The following CDKN2A variants were observed in gnomAD, a reference collection of about 807,000 sequenced individuals.
CDKN2A encodes the protein cyclin-dependent kinase inhibitor 2A.
In CDKN2A, 3 loss-of-function variants were observed where a neutral mutation model predicts 11.1. That is an observed-to-expected ratio of 0.27 (90% confidence interval 0.12 to 0.70). The LOEUF (loss-of-function observed/expected upper bound fraction) is 0.70, where lower values mean the gene tolerates loss of function less well. Ranked by LOEUF, CDKN2A falls within the 30% of genes least tolerant of loss-of-function variation. CDKN2A has a pLI of 0.77. For missense variants in CDKN2A, 265 were observed against 233.6 expected (o/e 1.13, Z -0.88); for synonymous variants, 122 against 108.1 (o/e 1.13, Z -0.80).
chr9:21,991,286 GTA>G lies in CDKN2A; in HGVS notation c.-4+2594_-4+2595del, dbSNP rs1820423101. 6.6e-6 allele frequency among the ~76,000 whole-genome samples: 1 copy of G among 150,776 alleles called. No individual in the cohort carries two copies. The highest frequency in any genetic ancestry group is 1.5e-5 in the Non-Finnish European group (1 of 67,852). ...ACACAAATTCATACACTTTCTTAAA[GTA>G]TCATGAGTTTTTTTTTTTTTTTAAG... is the stretch of plus-strand genomic sequence containing the variant. On this transcript the variant is annotated intron_variant, in intron 2 of 3. Coordinates refer to the CDKN2A transcript ENST00000494262. The surrounding 1 kb of genome is among the most constrained non-coding windows in gnomAD (Gnocchi z 5.2).
rs561052053 is a variant in CDKN2A, at chr9:21,970,707, A to G, written c.457+195T>C. On this transcript the variant is annotated intron_variant, in intron 2 of 2. Transcript: ENST00000304494. ...AATGGGCTTTCACGTGCGCAAGTCCATTTCGGGATTATTTCCCATTTGCCG... is the reference window on the plus strand; with the variant it reads ...AATGGGCTTTCACGTGCGCAAGTCCGTTTCGGGATTATTTCCCATTTGCCG... 66 of 683,376 alleles carry G rather than the reference A, an allele frequency of 9.7e-5. 3 individuals are homozygous for G. The African/African-American group carries it at 1.1e-3, about 11-fold the overall frequency. 42.3% of individuals were successfully genotyped at this position (683,376 alleles called of 1,614,324 possible).
upstream of CDKN2A, among the ~76,000 whole-genome samples, chr9:21,976,892 G>A (rs1587343489): frequency 6.6e-6 from 1 of 152,330 alleles, no homozygotes; most frequent in Admixed American, 6.5e-5. Flanking sequence ...TACTTTTTAA[G>A]CTTATCAAAA....
chr9:21,977,179 G>A (rs180942839), upstream of CDKN2A, among the ~76,000 whole-genome samples: 72 of 152,088 alleles, frequency 4.7e-4, 1 homozygote, highest in African/African-American at 1.6e-3. Flanking sequence ...TTTTCCTCGG[G>A]GTACCTCTCA....
chr9:21,981,022 G>T lies in CDKN2A; in HGVS notation c.-3-9814C>A, dbSNP rs1314968321. Among the ~76,000 whole-genome samples, 7 of 48,814 alleles carry T rather than the reference G, an allele frequency of 1.4e-4. 3 individuals are homozygous for T. The highest frequency in any genetic ancestry group is 7.4e-4 in the Admixed American group (3 of 4,080). The allele number at this position is 48,814 out of a possible 152,430, so 32.0% of individuals were successfully genotyped here. On this transcript the variant is annotated intron_variant, in intron 2 of 3. Coordinates refer to the CDKN2A transcript ENST00000494262. ...TATATACGTGTATATATATATATAC[G>T]TGTATATATATATACGTGTATATAT...
upstream of CDKN2A, among the ~76,000 whole-genome samples, chr9:21,976,626 A>G (rs1820040074): frequency 6.6e-6 from 1 of 151,612 alleles, no homozygotes; most frequent in Non-Finnish European, 1.5e-5. Flanking sequence ...GATGTAGGAG[A>G]ATCGCTTGAA....
chr9:21,974,572 C>A lies in CDKN2A; in HGVS notation c.150+106G>T, dbSNP rs2131110492. On this transcript the variant is annotated intron_variant, in intron 1 of 2. Transcript: ENST00000304494. This position sits in a 1 kb window ranked among gnomAD's most constrained non-coding sequence, Gnocchi z 5.2. Reference sequence around the variant, plus strand: ...TCTGAAAACTCCCCAGGAAGCCTCCCCTTTTTCCGGAGAATCGAAGCGCTA... The same window carrying A: ...TCTGAAAACTCCCCAGGAAGCCTCCACTTTTTCCGGAGAATCGAAGCGCTA... 1.2e-6 allele frequency: 2 copies of A among 1,613,770 alleles called. No individual in the cohort carries two copies. The highest frequency in any genetic ancestry group is 1.1e-5 in the South Asian group (1 of 90,652).
chr9:21,969,013 G>A (rs1454976238), intron 2 of CDKN2A, among the ~76,000 whole-genome samples: 2 of 152,142 alleles, frequency 1.3e-5, no homozygotes, highest in African/African-American at 4.8e-5. Flanking sequence ...TAGATTCTCC[G>A]ACCACTCTTT....
In CDKN2A at chr9:21,968,729, G is replaced by T. The variant is rs1328833978; in HGVS notation, c.458-487C>A. 2 of 1,536,132 alleles carry T rather than the reference G, an allele frequency of 1.3e-6. No individual in the cohort carries two copies. The highest frequency in any genetic ancestry group is 2.0e-5 in the Admixed American group (1 of 51,010). ...CGGCGGAATCCCGTAGCTTCCCTAC[G>T]CATGCCTGCTTCTACAAACCCACAA... On this transcript the variant is annotated intron_variant, in intron 2 of 2. Transcript: ENST00000304494. This position sits in a 1 kb window ranked among gnomAD's most constrained non-coding sequence, Gnocchi z 4.7.
At chr9:21,984,241 C>A (rs1820255079) in intron 2 of CDKN2A, among the ~76,000 whole-genome samples, 1 of 151,930 alleles carries the variant, frequency 6.6e-6, no homozygotes, top group African/African-American at 2.4e-5. Flanking sequence ...TCTGAAAAAA[C>A]AGCTTCTTTG....
In CDKN2A at chr9:21,967,866, T is replaced by C. The variant is rs140204814; in HGVS notation, c.*363A>G. 5.0e-3 allele frequency: 1,706 copies of C among 342,052 alleles called. 31 individuals carry two copies. Among genetic ancestry groups the C allele is most frequent in the African/African-American group, 0.033 (1,614 of 48,582 alleles). The allele number at this position is 342,052 out of a possible 1,614,324, so 21.2% of individuals were successfully genotyped here. A position where few individuals can be genotyped will look rare whatever the true frequency, so the allele number is the denominator to read the frequency against. ...CCCTGAGCTTCCCTAGTTCACAAAA[T>C]GCTTGTCATGAAGTCGACAGCTTCC... On this transcript the variant is annotated 3_prime_UTR_variant, in exon 3 of 3. Coordinates refer to ENST00000304494, the MANE Select transcript of CDKN2A (RefSeq NM_000077.5).
In CDKN2A at chr9:21,994,373, C is replaced by G. The variant is rs755734889; in HGVS notation, c.-175-320G>C. The stretch of plus-strand genomic sequence containing the variant: ...GGGCCGAGCTCGGCAGCCGCTGCGC[C>G]GCCCTTTGGCACCAGAGGTGAGCAG... On this transcript the variant is annotated intron_variant, in intron 1 of 3. Transcript: ENST00000494262. 3.7e-6 allele frequency: 6 copies of G among 1,607,716 alleles called. No individual in the cohort carries two copies. The highest frequency in any genetic ancestry group is 4.2e-6 in the Non-Finnish European group (5 of 1,178,920).
upstream of CDKN2A, among the ~76,000 whole-genome samples, chr9:21,979,543 C>G (rs1411738607): frequency 6.6e-6 from 1 of 152,028 alleles, no homozygotes; most frequent in African/African-American, 2.4e-5. Flanking sequence ...CAAAGTACAG[C>G]GGTGGTTATA....
chr9:21,975,697 C>T (rs1422971396), upstream of CDKN2A, among the ~76,000 whole-genome samples: 1 of 152,104 alleles, frequency 6.6e-6, no homozygotes, highest in Non-Finnish European at 1.5e-5. Context: ...GAGAATTCTG[C>T]CTGTAGGCAG....
In CDKN2A at chr9:21,970,934, T is replaced by C. The variant is rs759922342; in HGVS notation, c.425A>G (p.His142Arg). The stretch of plus-strand genomic sequence containing the variant: ...ACCTTCCGCGGCATCTATGCGGGCA[T>C]GGTTACTGCCTCTGGTGCCCCCCGC... Reference protein sequence around the residue: ...AAAGGTRGSNHARIDAAEGPS... With the variant: ...AAAGGTRGSNRARIDAAEGPS... The change falls in exon 2 of 3, where the codon CAT (histidine) becomes CGT (arginine). Residue 142 changes from histidine to arginine, a missense_variant. Coordinates refer to ENST00000304494, the MANE Select transcript of CDKN2A (RefSeq NM_000077.5). 25 of 1,612,402 alleles carry C rather than the reference T, an allele frequency of 1.6e-5. No individual in the cohort carries two copies. The highest frequency in any genetic ancestry group is 2.1e-5 in the Non-Finnish European group (25 of 1,180,032).
At position 21,971,039 on chromosome 9, in the gene CDKN2A, C is replaced by A; in HGVS notation, c.320G>T (p.Arg107Leu). Residue 107 changes from arginine (R) to leucine (L), a missense_variant, in exon 2 of 3, where the codon CGC becomes CTC. Coordinates refer to ENST00000304494, the MANE Select transcript of CDKN2A (RefSeq NM_000077.5). ...LHRAGARLDV[R>L]DAWGRLPVDL... ...CACGGGCAGACGGCCCCAGGCATCG[C>A]GCACGTCCAGCCGCGCCCCGGCCCG... 1 of 1,605,970 alleles carries A rather than the reference C, an allele frequency of 6.2e-7. No homozygotes were observed. Among genetic ancestry groups the A allele is most frequent in the Non-Finnish European group, 8.5e-7 (1 of 1,179,376 alleles).
chr9:21,990,587 C>T (rs1820404820), intron 2 of CDKN2A, among the ~76,000 whole-genome samples: 2 of 109,368 alleles, frequency 1.8e-5, no homozygotes, highest in Admixed American at 2.4e-4. Flanking sequence ...TCTCATCCTG[C>T]GGAAACCATT....
At chr9:21,993,002 A>T (rs1263192751) in intron 2 of CDKN2A, among the ~76,000 whole-genome samples, 1 of 152,232 alleles carries the variant, frequency 6.6e-6, no homozygotes, top group Non-Finnish European at 1.5e-5. Flanking sequence ...CCTATAGATT[A>T]TAAATTTTTG....
intron 2 of CDKN2A, among the ~76,000 whole-genome samples, chr9:21,986,332 T>C (rs1229844898): frequency 1.3e-5 from 2 of 152,054 alleles, no homozygotes; most frequent in Non-Finnish European, 2.9e-5. Flanking sequence ...ACTGGTTTTA[T>C]TTTGGTCAAA....
At chr9:21,983,632 G>A (rs889679821) in intron 2 of CDKN2A, among the ~76,000 whole-genome samples, 9 of 152,020 alleles carry the variant, frequency 5.9e-5, no homozygotes, top group African/African-American at 2.2e-4. Context: ...TTGATTTATA[G>A]ATAACAAAAT....
Sources: allele counts gnomAD v4.1 joint callset (sites outside exome capture counted in the v4.1 genomes callset), GRCh38; gene constraint gnomAD v4.1.1; non-coding constraint Gnocchi (gnomAD v3.1); transcripts MANE v1.5; gene names NCBI Gene and HGNC (gene_info 2026-07-23, HGNC 2026-07-21).